The following SOBP variants were observed in gnomAD, a reference collection of about 807,000 sequenced individuals.
SOBP encodes the protein sine oculis binding protein homolog, also known as sine oculis-binding protein homolog.
SOBP carries 4 observed loss-of-function variants against 53.6 expected under a neutral mutation model. The ratio of observed to expected loss-of-function variants is 0.07; its 90% CI spans 0.04 to 0.17. The LOEUF is 0.17. Among genes scored for constraint, SOBP ranks in the 10% least tolerant of loss-of-function variants. The pLI is 1.00. For synonymous variants in SOBP, 584 were observed against 522.6 expected (o/e 1.12, Z -1.60); for missense variants, 1,088 against 1,204.7 (o/e 0.90, Z 1.43).
rs1770987116 is a variant in SOBP, at chr6:107,635,313, G to C, written c.2469G>C (p.Lys823Asn). 6.2e-7 allele frequency: 1 copy of C among 1,613,710 alleles called. No homozygotes were observed. The highest frequency in any genetic ancestry group is 8.5e-7 in the Non-Finnish European group (1 of 1,180,018). ...CCTATGCTCTGCGGATGCTGCCCAA[G>C]ACCGGCTGCGTGATCCAGCCTGTGC... ...DHAYALRMLP[K>N]TGCVIQPVPK... Residue 823 changes from lysine (K) to asparagine (N), a missense_variant, in exon 6 of 7, where the codon AAG becomes AAC. Lys to Asn is a moderately conservative substitution (Grantham distance 94). Transcript: ENST00000317357. This position sits in a 1 kb window ranked among gnomAD's most constrained non-coding sequence, Gnocchi z 4.5.
At chr6:107,553,045 G>A (rs1784505765) in intron 4 of SOBP, among the ~76,000 whole-genome samples, 1 of 152,022 alleles carries the variant, frequency 6.6e-6, no homozygotes, top group Non-Finnish European at 1.5e-5. Flanking sequence ...GAATAAACCT[G>A]AGAACTTATT....
intron 4 of SOBP, among the ~76,000 whole-genome samples, chr6:107,580,162 G>C (rs1357773203): frequency 2.0e-5 from 3 of 152,206 alleles, no homozygotes; most frequent in Non-Finnish European, 4.4e-5. Context: ...GTCCAGAGAT[G>C]GATGTTTCTG....
chr6:107,542,602 G>A (rs966100162), intron 4 of SOBP, among the ~76,000 whole-genome samples: 1 of 152,090 alleles, frequency 6.6e-6, no homozygotes, highest in African/African-American at 2.4e-5. Flanking sequence ...AGTAAGAAAG[G>A]CAACAGCATT....
intron 4 of SOBP, among the ~76,000 whole-genome samples, chr6:107,569,050 G>A (rs988662286): frequency 1.3e-5 from 2 of 152,120 alleles, no homozygotes; most frequent in African/African-American, 4.8e-5. Flanking sequence ...AAATCTATTT[G>A]GGGGGCAGGT....
At chr6:107,502,310 C>A (rs1432836600) in intron 1 of SOBP, among the ~76,000 whole-genome samples, 2 of 152,092 alleles carry the variant, frequency 1.3e-5, no homozygotes, top group Non-Finnish European at 2.9e-5. Context: ...ATAAAAGATT[C>A]TTTGAGCCAC....
rs755482134 is a variant in SOBP at position 107,633,909 on chromosome 6, C to G, written c.1065C>G (p.Ile355Met). The G allele has an allele frequency of 5.6e-6, 9 of 1,614,110 alleles. No homozygotes were observed. Among genetic ancestry groups the G allele is most frequent in the Non-Finnish European group, 7.6e-6 (9 of 1,180,048 alleles). Residue 355 changes from isoleucine (I) to methionine (M), a missense_variant, in exon 6 of 7, where the codon ATC becomes ATG. Transcript: ENST00000317357. ...IPTPVPKSIP[I>M]SETPNIPPVS... ...CGCCAGTGCCCAAGTCCATCCCCAT[C>G]AGCGAGACTCCAAATATCCCTCCTG...
At position 107,542,207 on chromosome 6, in the gene SOBP, A is replaced by G. The variant is rs1784167313; in HGVS notation, c.573+8597A>G. ...GTGAAGGGCTGCTGTTTCATATCTG[A>G]GGATCACAGGAGTTATTTTTGAGGA... On this transcript the variant is annotated intron_variant, in intron 4 of 6. Coordinates refer to ENST00000317357, the MANE Select transcript of SOBP (RefSeq NM_018013.4). Among the ~76,000 whole-genome samples, 3 of 152,174 alleles carry G rather than the reference A, an allele frequency of 2.0e-5. No individual in the cohort carries two copies. The South Asian group carries it at 6.2e-4, about 32-fold the overall frequency.
chr6:107,586,929 TA>T, intron 4 of SOBP, 150 bp from the exon 5 acceptor site: 2 of 702,478 alleles, frequency 2.8e-6, no homozygotes, highest in Non-Finnish European at 5.1e-6. Flanking sequence ...TTTTGATACC[TA>T]AAAGGCGTAC....
intron 4 of SOBP, among the ~76,000 whole-genome samples, chr6:107,554,953 C>T (rs1784566758): frequency 6.6e-6 from 1 of 152,152 alleles, no homozygotes; most frequent in African/African-American, 2.4e-5. Flanking sequence ...CATCCTTGTG[C>T]TGCAGTTAGT....
chr6:107,616,048 A>G (rs1379566982), intron 5 of SOBP, among the ~76,000 whole-genome samples: 3 of 120,666 alleles, frequency 2.5e-5, no homozygotes, highest in Admixed American at 9.2e-5. Flanking sequence ...AAAAAAAAAG[A>G]AAAAAAAAGG....
chr6:107,515,740 C>CT (rs1391410229), intron 3 of SOBP, among the ~76,000 whole-genome samples: 1 of 152,130 alleles, frequency 6.6e-6, no homozygotes, highest in Non-Finnish European at 1.5e-5. Flanking sequence ...CAGCGAGACT[C>CT]TGTCTCAAAA....
intron 4 of SOBP, among the ~76,000 whole-genome samples, chr6:107,560,118 C>A (rs1784732314): frequency 6.6e-6 from 1 of 152,084 alleles, no homozygotes; most frequent in Non-Finnish European, 1.5e-5. Flanking sequence ...CTTTTCTCTC[C>A]TCTAGTTTGT....
chr6:107,645,159 G>GTGCA (rs1187425350), intron 6 of SOBP, among the ~76,000 whole-genome samples: 2 of 152,114 alleles, frequency 1.3e-5, no homozygotes, highest in Non-Finnish European at 2.9e-5. Flanking sequence ...GTGTGTGTGT[G>GTGCA]TGCATGTGTG....
chr6:107,550,024 G>C (rs973609134), intron 4 of SOBP, among the ~76,000 whole-genome samples: 2 of 152,180 alleles, frequency 1.3e-5, no homozygotes, highest in African/African-American at 4.8e-5. Flanking sequence ...TCCACACCTG[G>C]AAGGCCAGTG....
rs147349031 is a variant in SOBP, at chr6:107,504,506, C to A, written c.235+711C>A. Among the ~76,000 whole-genome samples, 647 of 152,190 alleles carry A rather than the reference C, an allele frequency of 4.3e-3. 3 individuals are homozygous for A. The highest frequency in any genetic ancestry group is 0.015 in the African/African-American group (619 of 41,512). ...TCTGTATGAATACTGAATTTATGAACCTAAATTAGGAATGAGAGCTTGCTT... is the reference window on the plus strand; with the variant it reads ...TCTGTATGAATACTGAATTTATGAAACTAAATTAGGAATGAGAGCTTGCTT... On this transcript the variant is annotated intron_variant, in intron 2 of 6. Transcript: ENST00000317357.
At chr6:107,570,570 G>T (rs924709932) in intron 4 of SOBP, among the ~76,000 whole-genome samples, 21 of 152,214 alleles carry the variant, frequency 1.4e-4, no homozygotes, top group African/African-American at 4.8e-4. Context: ...TTACAGCCAC[G>T]CTCTCATTCT....
intron 4 of SOBP, among the ~76,000 whole-genome samples, chr6:107,556,566 G>T (rs938834897): frequency 2.6e-5 from 4 of 152,158 alleles, no homozygotes; most frequent in African/African-American, 9.7e-5. Context: ...GTTTTCCAAT[G>T]TTCTTTCTTT....
chr6:107,657,827 C>CGA (rs1772130784), intron 6 of SOBP, among the ~76,000 whole-genome samples: 1 of 148,556 alleles, frequency 6.7e-6, no homozygotes, highest in African/African-American at 2.5e-5. Flanking sequence ...GGCAACAGAG[C>CGA]GAGACCCTGT....
chr6:107,599,430 G>C (rs543712589), intron 5 of SOBP, among the ~76,000 whole-genome samples: 1 of 151,624 alleles, frequency 6.6e-6, no homozygotes, highest in Admixed American at 6.6e-5. Flanking sequence ...TACAGCTTTC[G>C]GTCATATGGA....
Sources: allele counts gnomAD v4.1 joint callset (sites outside exome capture counted in the v4.1 genomes callset), GRCh38; gene constraint gnomAD v4.1.1; non-coding constraint Gnocchi (gnomAD v3.1); transcripts MANE v1.5; gene names NCBI Gene and HGNC (gene_info 2026-07-23, HGNC 2026-07-21).